GGH: variants seen among roughly 807,000 people sequenced by gnomAD.
GGH encodes the protein gamma-glutamyl hydrolase.
A neutral mutation model predicts 39.2 loss-of-function variants in GGH; 18 were observed. The observed-to-expected ratio is 0.46, with a 90% CI of 0.32 to 0.68. GGH has a LOEUF of 0.68. Ranked by LOEUF, GGH falls within the 30% of genes least tolerant of loss-of-function variation. GGH has a pLI of 0.04. For synonymous variants in GGH, 147 were observed against 138.8 expected, an observed-to-expected ratio of 1.06 and a Z score of -0.42; for missense variants, 367 against 384.1, an observed-to-expected ratio of 0.96 and a Z score of 0.37.
At chr8:63,022,649 G>A (rs1357824809) in intron 7 of GGH, among the ~76,000 whole-genome samples, 2 of 151,548 alleles carry the variant, frequency 1.3e-5, no homozygotes, top group Non-Finnish European at 2.9e-5. Context: ...CAAGTAGCTG[G>A]GACTACAGGC....
intron 2 of GGH, among the ~76,000 whole-genome samples, chr8:63,031,306 C>T (rs1308829757): frequency 1.3e-5 from 2 of 152,214 alleles, no homozygotes; most frequent in Non-Finnish European, 2.9e-5. Context: ...GTAATCTCTT[C>T]CTGGCGAGAG....
intron 7 of GGH, among the ~76,000 whole-genome samples, chr8:63,018,215 G>A (rs1307180926): frequency 6.6e-6 from 1 of 151,974 alleles, no homozygotes; most frequent in Non-Finnish European, 1.5e-5. Flanking sequence ...AAAGCTGATA[G>A]ATAGACACCC....
chr8:63,030,047 T>C (rs1288454242), intron 3 of GGH, 120 bp downstream of exon 3: 3 of 540,836 alleles, frequency 5.5e-6, no homozygotes, highest in Non-Finnish European at 1.0e-5. Flanking sequence ...AGAACACTAA[T>C]ACTATACCAC....
chr8:63,019,375 A>C (rs4581048), intron 7 of GGH, among the ~76,000 whole-genome samples: 36,743 of 152,128 alleles, frequency 0.24, 4,642 homozygotes, highest in East Asian at 0.42. Context: ...TCGATCGGTG[A>C]CAAAACCATT....
chr8:63,036,681 T>TA (rs1386722395), intron 1 of GGH, among the ~76,000 whole-genome samples: 1 of 151,854 alleles, frequency 6.6e-6, no homozygotes, highest in Non-Finnish European at 1.5e-5. Context: ...GGTGACAGAG[T>TA]AAACCACATT....
chr8:63,025,163 T>C (rs535804295), intron 5 of GGH: 11 of 152,356 alleles, frequency 7.2e-5, no homozygotes, highest in African/African-American at 2.6e-4. Flanking sequence ...AGGAAGCTTC[T>C]AAAACCCTTG....
chr8:63,038,042 CTGTCTCAAATGTG>C (rs1804944954), intron 1 of GGH, among the ~76,000 whole-genome samples: 1 of 152,196 alleles, frequency 6.6e-6, no homozygotes, highest in African/African-American at 2.4e-5. Context: ...TTCCTTGGGC[CTGTCTCAAATGTG>C]TGTTTTGGTA....
At chr8:63,034,067 C>G (rs1384633484) in intron 2 of GGH, among the ~76,000 whole-genome samples, 1 of 147,020 alleles carries the variant, frequency 6.8e-6, no homozygotes, top group Non-Finnish European at 1.5e-5. Context: ...TATCTCCCAT[C>G]CACACGGTCA....
At chr8:63,032,685 T>A (rs1804827590) in intron 2 of GGH, among the ~76,000 whole-genome samples, 1 of 152,222 alleles carries the variant, frequency 6.6e-6, no homozygotes, top group South Asian at 2.1e-4. Context: ...AGGTAATCCT[T>A]CACAGGCTAG....
At chr8:63,015,554 A>C in intron 8 of GGH, 101 bp from the exon 9 acceptor site, 1 of 646,042 alleles carries the variant, frequency 1.5e-6, no homozygotes, top group Non-Finnish European at 2.6e-6. Context: ...TTAAGTGGGA[A>C]AATATCAACA....
rs1276804139 is a variant in GGH at position 63,030,699 on chromosome 8, A to G, written c.225-482T>C. Among the ~76,000 whole-genome samples, 3 of 152,182 alleles carry G rather than the reference A, an allele frequency of 2.0e-5. No homozygotes were observed. The East Asian group carries it at 5.8e-4, about 29-fold the overall frequency. ...CCCACCCCAACAAACTAGTTGCAACAGTCTAGGGACTACTCTGCATTTCAA... is the reference window on the plus strand; with the variant it reads ...CCCACCCCAACAAACTAGTTGCAACGGTCTAGGGACTACTCTGCATTTCAA... On this transcript the variant is annotated intron_variant, in intron 2 of 8. Coordinates refer to ENST00000260118, the MANE Select transcript of GGH (RefSeq NM_003878.3).
intron 7 of GGH, among the ~76,000 whole-genome samples, chr8:63,019,406 CAAGAG>C (rs1174704348): frequency 1.3e-5 from 2 of 152,152 alleles, no homozygotes; most frequent in African/African-American, 2.4e-5. Context: ...CAGCTGCAGA[CAAGAG>C]AAGAGCTTTC....
At chr8:63,030,335 T>C (rs1219472927) in intron 2 of GGH, 118 bp from the exon 3 acceptor site, 4 of 590,854 alleles carry the variant, frequency 6.8e-6, no homozygotes, top group Non-Finnish European at 9.2e-6. Context: ...TACTAGACAA[T>C]ATTACCTCTC....
At chr8:63,022,678 CTTTT>C (rs34415067) in intron 7 of GGH, among the ~76,000 whole-genome samples, 1 of 143,538 alleles carries the variant, frequency 7.0e-6, no homozygotes, top group Non-Finnish European at 1.5e-5. Context: ...CCATGCCCAG[CTTTT>C]TTTTTTTTTC....
At chr8:63,030,356 G>A (rs2129669312) in intron 2 of GGH, 139 bp from the exon 3 acceptor site, 1 of 552,046 alleles carries the variant, frequency 1.8e-6, no homozygotes, top group Non-Finnish European at 3.3e-6. Context: ...TACTTTTCTA[G>A]AGGCATTTTT....
chr8:63,026,850 G>A (rs1046642442), intron 4 of GGH: 1 of 253,934 alleles, frequency 3.9e-6, no homozygotes, highest in Non-Finnish European at 7.3e-6. Context: ...GAAGAGGTGA[G>A]AATTAATAAC....
chr8:63,026,233 G>C lies in GGH; in HGVS notation c.424C>G (p.Leu142Val), dbSNP rs1347073317. Residue 142 changes from leucine to valine, a missense_variant, in exon 5 of 9, where the codon CTG (leucine) becomes GTG (valine). Physicochemically the swap from Leu to Val is conservative, Grantham distance 32. Transcript: ENST00000260118. ...GTCLGFEELS[L>V]LISGECLLTA... ...AATAAGCACTCTCCACTAATCAGCA[G>C]TGAAAGCTCTTCAAATCCAAGGCAT... 6.2e-7 allele frequency: 1 copy of C among 1,610,608 alleles called. No individual in the cohort carries two copies. Among genetic ancestry groups the C allele is most frequent in the African/African-American group, 1.3e-5 (1 of 74,818 alleles).
intron 1 of GGH, among the ~76,000 whole-genome samples, chr8:63,037,642 CT>C (rs1585676333): frequency 6.6e-6 from 1 of 152,078 alleles, no homozygotes; most frequent in South Asian, 2.1e-4. Flanking sequence ...AGCAAAGTCC[CT>C]TTTTTAAATA....
At chr8:63,036,921 C>A (rs940654621) in intron 1 of GGH, among the ~76,000 whole-genome samples, 4 of 152,162 alleles carry the variant, frequency 2.6e-5, no homozygotes, top group Non-Finnish European at 5.9e-5. Context: ...CTGTAAGACC[C>A]GTATGCTCTG....
Sources: gnomAD v4.1 joint callset for allele counts (sites outside exome capture counted in the v4.1 genomes callset) on GRCh38, gnomAD v4.1.1 for gene constraint, MANE v1.5 for transcripts, NCBI Gene and HGNC (gene_info 2026-07-23, HGNC 2026-07-21) for gene names.